Variants in TENM4 observed in about 807,000 individuals in gnomAD.
TENM4 encodes teneurin transmembrane protein 4, also known as teneurin-4.
In TENM4, 82 loss-of-function variants were observed where a neutral mutation model predicts 243.3. That is an observed-to-expected ratio of 0.34 (90% CI 0.28 to 0.40). TENM4 has a LOEUF of 0.40. Ranked by LOEUF, TENM4 falls within the 10% of genes least tolerant of loss-of-function variation. The probability of loss-of-function intolerance (pLI) is 1.00; values close to 1 mark genes in which losing one functional copy is unlikely to be tolerated. For missense variants in TENM4, 3,138 were observed against 3,673.3 expected, an observed-to-expected ratio of 0.85 and a Z score of 3.77; for synonymous variants, 1,412 against 1,456.3, an observed-to-expected ratio of 0.97 and a Z score of 0.69.
At chr11:78,968,658 T>A (rs1476755572) in intron 6 of TENM4, among the ~76,000 whole-genome samples, 1 of 152,196 alleles carries the variant, frequency 6.6e-6, no homozygotes, top group East Asian at 1.9e-4. Flanking sequence ...CGGGCCCAGA[T>A]TCTTCACAAG....
intron 2 of TENM4, among the ~76,000 whole-genome samples, chr11:79,293,261 C>T (rs929835289): frequency 8.6e-5 from 13 of 151,936 alleles, no homozygotes; most frequent in African/African-American, 2.9e-4. Context: ...GGTTATTCAT[C>T]TTGTAAATAG....
chr11:78,861,543 TGA>T (rs2136220025), intron 10 of TENM4, among the ~76,000 whole-genome samples: 1 of 152,322 alleles, frequency 6.6e-6, no homozygotes, highest in Non-Finnish European at 1.5e-5. Context: ...TCTTTGCAAA[TGA>T]GAGGACTGGC....
intron 4 of TENM4, among the ~76,000 whole-genome samples, chr11:79,146,865 G>A (rs145282898): frequency 2.6e-4 from 40 of 152,204 alleles, no homozygotes; most frequent in African/African-American, 8.9e-4. Context: ...TAGGCTGACT[G>A]ACACCATAGC....
intron 19 of TENM4, among the ~76,000 whole-genome samples, chr11:78,751,716 A>G (rs1856195383): frequency 6.6e-6 from 1 of 152,182 alleles, no homozygotes; most frequent in Non-Finnish European, 1.5e-5. Flanking sequence ...CCCCAAGAGC[A>G]CAGATGCACC....
chr11:79,287,392 G>A (rs1044882321), intron 2 of TENM4, among the ~76,000 whole-genome samples: 1 of 152,162 alleles, frequency 6.6e-6, no homozygotes, highest in South Asian at 2.1e-4. Flanking sequence ...AGGGTCCAGT[G>A]AGAAAGCGTG....
chr11:78,917,098 C>T (rs996238339), intron 6 of TENM4, among the ~76,000 whole-genome samples: 12 of 152,162 alleles, frequency 7.9e-5, no homozygotes, highest in Non-Finnish European at 1.6e-4. Context: ...GTTTTGGGGA[C>T]CACAAAAAGT....
chr11:78,658,302 C>T lies in TENM4; in HGVS notation c.8066G>A (p.Arg2689Gln), dbSNP rs757369572. The T allele has an allele frequency of 1.8e-5, 29 of 1,612,728 alleles. No homozygotes were observed. The highest frequency in any genetic ancestry group is 1.6e-4 in the Middle Eastern group (1 of 6,084). The change falls in exon 34 of 34, where the codon CGG becomes CAG. Residue 2689 changes from arginine to glutamine, a missense_variant. Arg to Gln is a conservative substitution (Grantham distance 43). Transcript: ENST00000278550. ...YGTTLDEEKA[R>Q]VLELARQRAV... is the part of the protein sequence containing the mutation. ...TCTCTGCCGGGCCAGCTCCAGGACCCGTGCCTTCTCCTCATCCAACGTTGT... is the reference window on the plus strand; with the variant it reads ...TCTCTGCCGGGCCAGCTCCAGGACCTGTGCCTTCTCCTCATCCAACGTTGT...
rs60519291 is a variant in TENM4 at position 78,953,762 on chromosome 11, T to C, written c.494-50239A>G. ...GCCATTTTATATCAGGGCTTGAGCA[T>C]CTAGATTTTAGTATCCCTGGAGGTT... On this transcript the variant is annotated intron_variant, in intron 6 of 33. Transcript: ENST00000278550. Among the ~76,000 whole-genome samples, 377 of 152,298 alleles carry C rather than the reference T, an allele frequency of 2.5e-3. 1 individual carries two copies. Among genetic ancestry groups the C allele is most frequent in the African/African-American group, 8.5e-3 (353 of 41,556 alleles).
intron 6 of TENM4, among the ~76,000 whole-genome samples, chr11:78,943,936 C>T (rs1280511195): frequency 1.3e-5 from 2 of 152,206 alleles, no homozygotes; most frequent in Admixed American, 6.5e-5. Flanking sequence ...GTGTGTATAA[C>T]GTGCCTGCCT....
At chr11:79,409,591 T>G (rs535723434) in intron 1 of TENM4, among the ~76,000 whole-genome samples, 1 of 152,158 alleles carries the variant, frequency 6.6e-6, no homozygotes. Context: ...GGCTGCTCCA[T>G]AGCTGCCCCC....
At chr11:79,068,367 A>AGTTGG (rs1396662989) in intron 5 of TENM4, 1 of 152,250 alleles carries the variant, frequency 6.6e-6, no homozygotes, top group African/African-American at 2.4e-5. Context: ...TTGATGCCAG[A>AGTTGG]GTTGGAGCCT....
rs1328098270 is a variant in TENM4, at chr11:79,293,508, TA to T, written c.-265+3979del. 7.5e-3 allele frequency among the ~76,000 whole-genome samples: 815 copies of T among 108,706 alleles called. 8 individuals are homozygous for T. Among genetic ancestry groups the T allele is most frequent in the African/African-American group, 0.015 (487 of 31,582 alleles). 71.3% of individuals were successfully genotyped at this position (108,706 alleles called of 152,430 possible). On this transcript the variant is annotated intron_variant, in intron 2 of 33. Transcript: ENST00000278550. ...GGTGACAGAGCAAAACACTGTCCCT[TA>T]AAAAAAAAAAAGAAAAAAAAAAAGA...
intron 1 of TENM4, among the ~76,000 whole-genome samples, chr11:79,373,307 T>C (rs1052568520): frequency 4.6e-5 from 6 of 129,282 alleles, no homozygotes; most frequent in Non-Finnish European, 1.0e-4. Flanking sequence ...GCTGGCTGGC[T>C]GGCTGGCTGG....
rs1180594991 is a variant in TENM4, at chr11:78,771,114, C to T, written c.2417G>A (p.Gly806Asp). 2.5e-6 allele frequency: 4 copies of T among 1,571,370 alleles called. No homozygotes were observed. The highest frequency in any genetic ancestry group is 3.5e-6 in the Non-Finnish European group (4 of 1,158,174). The part of the protein sequence containing the change: ...VKEGCPGLCN[G>D]NGRCTLDLNG... ...CAGGTCTAAGGTACATCTGCCGTTG[C>T]CATTGCACAACCCAGGGCAACCCTC... Residue 806 changes from glycine (G) to aspartate (D), a missense_variant, in exon 18 of 34, where the codon GGC (glycine) becomes GAC (aspartate). Physicochemically the swap from Gly to Asp is moderately conservative, Grantham distance 94 (BLOSUM62 -1). Coordinates refer to ENST00000278550, the MANE Select transcript of TENM4 (RefSeq NM_001098816.3).
chr11:79,066,764 G>A (rs369951043), intron 5 of TENM4, among the ~76,000 whole-genome samples: 5 of 151,842 alleles, frequency 3.3e-5, no homozygotes, highest in East Asian at 2.0e-4. Context: ...GCACAAGCAC[G>A]CACACACACA....
At chr11:79,282,068 C>T (rs1200327568) in intron 2 of TENM4, among the ~76,000 whole-genome samples, 1 of 152,160 alleles carries the variant, frequency 6.6e-6, no homozygotes, top group Non-Finnish European at 1.5e-5. Flanking sequence ...TGTAAAGATG[C>T]TGAATATCAT....
intron 19 of TENM4, among the ~76,000 whole-genome samples, chr11:78,744,122 C>T (rs1855993435): frequency 6.6e-6 from 1 of 152,216 alleles, no homozygotes; most frequent in East Asian, 1.9e-4. Context: ...AAGAACATTA[C>T]CTGGGCCCAA....
At chr11:79,136,390 G>A (rs1222401394) in intron 4 of TENM4, among the ~76,000 whole-genome samples, 1 of 152,030 alleles carries the variant, frequency 6.6e-6, no homozygotes, top group Admixed American at 6.6e-5. Context: ...CCCTGTCATC[G>A]CCCAGTGGGC....
At chr11:79,400,046 A>C (rs1858424325) in intron 1 of TENM4, among the ~76,000 whole-genome samples, 1 of 151,352 alleles carries the variant, frequency 6.6e-6, no homozygotes, top group Non-Finnish European at 1.5e-5. Context: ...ATATTTGTTG[A>C]TTGATTTGGT....
Sources: gnomAD v4.1 joint callset for allele counts (sites outside exome capture counted in the v4.1 genomes callset) on GRCh38, gnomAD v4.1.1 for gene constraint, MANE v1.5 for transcripts, NCBI Gene and HGNC (gene_info 2026-07-23, HGNC 2026-07-21) for gene names.